Variants in FOXP1 observed in about 807,000 individuals in gnomAD.
FOXP1 encodes forkhead box protein P1.
In FOXP1, 15 loss-of-function variants were observed where a neutral mutation model predicts 98.2. The ratio of observed to expected loss-of-function variants is 0.15; its 90% confidence interval spans 0.10 to 0.24. The LOEUF is 0.24. Among genes scored for constraint, FOXP1 ranks in the 10% least tolerant of loss-of-function variants. The pLI is 1.00. For missense variants in FOXP1, 633 were observed against 848.5 expected (o/e 0.75, Z 3.15); for synonymous variants, 371 against 314.5 (o/e 1.18, Z -1.90).
intron 7 of FOXP1, among the ~76,000 whole-genome samples, chr3:71,104,695 G>A (rs1386257210): frequency 6.6e-6 from 1 of 152,082 alleles, no homozygotes; most frequent in African/African-American, 2.4e-5. Context: ...TGGAACCTCA[G>A]GAAACCCATC....
chr3:71,012,774 G>C (rs1317631357), intron 12 of FOXP1, among the ~76,000 whole-genome samples: 1 of 152,102 alleles, frequency 6.6e-6, no homozygotes, highest in African/African-American at 2.4e-5. Context: ...GCTCACCTCT[G>C]TTTCCCTGGG....
chr3:70,961,786 C>T (rs1363409785), intron 20 of FOXP1, among the ~76,000 whole-genome samples: 1 of 152,110 alleles, frequency 6.6e-6, no homozygotes, highest in Non-Finnish European at 1.5e-5. Flanking sequence ...ACATGCCAGG[C>T]ATGGTGGTGT....
chr3:71,071,439 G>T (rs1022607342), intron 7 of FOXP1, among the ~76,000 whole-genome samples: 2 of 152,202 alleles, frequency 1.3e-5, no homozygotes, highest in Non-Finnish European at 2.9e-5. Context: ...TAGTACAGGA[G>T]TACTACATAT....
intron 6 of FOXP1, among the ~76,000 whole-genome samples, chr3:71,186,388 T>C (rs2062645730): frequency 6.6e-6 from 1 of 152,204 alleles, no homozygotes; most frequent in African/African-American, 2.4e-5. Context: ...ATTTTGCCAC[T>C]CCAGAAATTG....
intron 5 of FOXP1, among the ~76,000 whole-genome samples, chr3:71,231,205 C>T (rs2066259301): frequency 6.6e-6 from 1 of 152,122 alleles, no homozygotes; most frequent in African/African-American, 2.4e-5. Context: ...TTTTATACAT[C>T]CTGACAAGGA....
chr3:71,311,538 G>C (rs569730660), intron 4 of FOXP1, among the ~76,000 whole-genome samples: 5 of 152,208 alleles, frequency 3.3e-5, no homozygotes. Context: ...ACTGTTGTAC[G>C]TAAAATGGCT....
At position 71,216,107 on chromosome 3, in the gene FOXP1, TCCTAACCAAATC is replaced by T. The variant is rs534513397; in HGVS notation, c.-11-17727_-11-17716del. On this transcript the variant is annotated intron_variant, in intron 5 of 20. Coordinates refer to ENST00000649528, the MANE Select transcript of FOXP1 (RefSeq NM_001349338.3). ...GGACTGAACAGGAATCAAACAGGGC[TCCTAACCAAATC>T]CCCATCACTGACAACTCCCACCCCA... Among the ~76,000 whole-genome samples, 291 of 152,146 alleles carry T rather than the reference TCCTAACCAAATC, an allele frequency of 1.9e-3. 2 individuals carry two copies. Among genetic ancestry groups the T allele is most frequent in the Middle Eastern group, 3.4e-3 (1 of 294 alleles).
At chr3:70,987,394 A>G (rs1426530916) in intron 14 of FOXP1, among the ~76,000 whole-genome samples, 3 of 152,238 alleles carry the variant, frequency 2.0e-5, no homozygotes, top group Non-Finnish European at 4.4e-5. Context: ...ATTCTTACAA[A>G]TTAAATGTAA....
intron 4 of FOXP1, among the ~76,000 whole-genome samples, chr3:71,329,998 T>TA (rs368428006): frequency 2.8e-4 from 42 of 152,244 alleles, no homozygotes; most frequent in African/African-American, 9.9e-4. Flanking sequence ...CTCTTGAGCC[T>TA]AGGAGTTTGA....
chr3:71,268,505 C>T (rs2069972574), intron 5 of FOXP1, among the ~76,000 whole-genome samples: 1 of 152,102 alleles, frequency 6.6e-6, no homozygotes, highest in African/African-American at 2.4e-5. Flanking sequence ...TCTTCTCTTC[C>T]ACACCAGGGG....
At chr3:71,383,159 G>A (rs547095481) in intron 3 of FOXP1, among the ~76,000 whole-genome samples, 1 of 152,176 alleles carries the variant, frequency 6.6e-6, no homozygotes, top group Admixed American at 6.5e-5. Context: ...ATGGTAAACT[G>A]ACATGAGAAG....
chr3:71,178,669 G>C (rs1339991780), intron 6 of FOXP1, among the ~76,000 whole-genome samples: 1 of 151,670 alleles, frequency 6.6e-6, no homozygotes, highest in African/African-American at 2.4e-5. Flanking sequence ...GGATCACGAG[G>C]TCAGGAGATC....
intron 3 of FOXP1, among the ~76,000 whole-genome samples, chr3:71,390,673 T>C (rs904668563): frequency 2.0e-5 from 3 of 152,182 alleles, no homozygotes; most frequent in African/African-American, 7.2e-5. Context: ...ATGATGACAT[T>C]CTGTTCCAGT....
chr3:71,483,013 T>C (rs1394909000), intron 3 of FOXP1, among the ~76,000 whole-genome samples: 1 of 151,896 alleles, frequency 6.6e-6, no homozygotes, highest in Non-Finnish European at 1.5e-5. Flanking sequence ...TTTTTTTTCT[T>C]ATTTTTTGTA....
At chr3:71,287,672 C>T (rs2072298343) in intron 5 of FOXP1, among the ~76,000 whole-genome samples, 1 of 151,428 alleles carries the variant, frequency 6.6e-6, no homozygotes, top group African/African-American at 2.4e-5. Flanking sequence ...CCCAGCTACT[C>T]AGGAGGTTGA....
At chr3:71,020,615 G>C (rs904376470) in intron 11 of FOXP1, among the ~76,000 whole-genome samples, 8 of 152,164 alleles carry the variant, frequency 5.3e-5, no homozygotes, top group African/African-American at 1.9e-4. Flanking sequence ...GTAACTAAGA[G>C]GGAAGAATTT....
chr3:71,106,646 A>T (rs2057457424), intron 7 of FOXP1, among the ~76,000 whole-genome samples: 1 of 151,192 alleles, frequency 6.6e-6, no homozygotes, highest in South Asian at 2.1e-4. Context: ...TTTTAATCGA[A>T]ATAGAGTCTT....
chr3:70,978,179 G>A (rs2038001621), intron 14 of FOXP1, 150 bp from the exon 15 acceptor site: 7 of 703,772 alleles, frequency 9.9e-6, no homozygotes, highest in Non-Finnish European at 1.5e-5. Flanking sequence ...AACACACGGT[G>A]AGTCCTGCGT....
chr3:71,243,875 T>A (rs1302749775), intron 5 of FOXP1, among the ~76,000 whole-genome samples: 6 of 152,146 alleles, frequency 3.9e-5, no homozygotes, highest in African/African-American at 1.4e-4. Context: ...ACAGTAAACC[T>A]CCACCTTGGC....
Sources: gnomAD v4.1 joint callset for allele counts (sites outside exome capture counted in the v4.1 genomes callset) on GRCh38, gnomAD v4.1.1 for gene constraint, MANE v1.5 for transcripts, NCBI Gene and HGNC (gene_info 2026-07-23, HGNC 2026-07-21) for gene names.